The following TPTE variants were observed in gnomAD, a reference collection of about 807,000 sequenced individuals.
TPTE encodes transmembrane phosphatase with tensin homology.
A neutral mutation model predicts 84.1 loss-of-function variants in TPTE; 59 were observed. The ratio of observed to expected loss-of-function variants is 0.70; its 90% confidence interval spans 0.57 to 0.87. The LOEUF (loss-of-function observed/expected upper bound fraction) is 0.87. Ranked by LOEUF, TPTE falls within the 40% of genes least tolerant of loss-of-function variation. The probability of loss-of-function intolerance (pLI) is 0.00; values close to 1 mark genes in which losing one functional copy is unlikely to be tolerated. For missense variants in TPTE, 382 were observed against 659.6 expected, an observed-to-expected ratio of 0.58 and a Z score of 4.61; for synonymous variants, 130 against 223.5, an observed-to-expected ratio of 0.58 and a Z score of 3.73.
At chr21:10,599,389 T>C (rs2879311) in intron 21 of TPTE, among the ~76,000 whole-genome samples, 4 of 152,298 alleles carry the variant, frequency 2.6e-5, no homozygotes, top group Admixed American at 2.6e-4. Context: ...AAATATGCAT[T>C]CTGAAATATT....
intron 3 of TPTE, among the ~76,000 whole-genome samples, chr21:10,532,548 G>T (rs1489650390): frequency 6.6e-6 from 1 of 152,302 alleles, no homozygotes; most frequent in Non-Finnish European, 1.5e-5. Context: ...CATAGACTTT[G>T]CCATGTGTTC....
intron 14 of TPTE, among the ~76,000 whole-genome samples, chr21:10,574,351 A>G (rs1388624378): frequency 1.7e-4 from 26 of 152,376 alleles, no homozygotes; most frequent in African/African-American, 4.8e-4. Context: ...AAGTTCAGCT[A>G]CTTCCCAGAA....
chr21:10,553,501 C>G (rs539053323), intron 8 of TPTE, among the ~76,000 whole-genome samples: 4 of 152,428 alleles, frequency 2.6e-5, no homozygotes, highest in African/African-American at 9.6e-5. Flanking sequence ...TGCAGATTAG[C>G]TATACGTTTT....
intron 17 of TPTE, among the ~76,000 whole-genome samples, chr21:10,579,643 C>T (rs1316442852): frequency 6.6e-6 from 1 of 152,310 alleles, no homozygotes; most frequent in Non-Finnish European, 1.5e-5. Flanking sequence ...CAGTATTTGT[C>T]TTTCTACGCC....
chr21:10,573,773 G>C, intron 14 of TPTE, among the ~76,000 whole-genome samples: 1 of 152,312 alleles, frequency 6.6e-6, no homozygotes, highest in Non-Finnish European at 1.5e-5. Context: ...AAAATTACCT[G>C]ACTTGGCTGA....
At chr21:10,549,280 G>A (rs559600641) in intron 7 of TPTE, among the ~76,000 whole-genome samples, 31 of 152,412 alleles carry the variant, frequency 2.0e-4, no homozygotes, top group South Asian at 4.1e-4. Flanking sequence ...CACCAGATGC[G>A]TAGAAATCAA....
intron 17 of TPTE, among the ~76,000 whole-genome samples, chr21:10,585,337 A>G (rs1316595129): frequency 6.6e-6 from 1 of 152,244 alleles, no homozygotes; most frequent in Non-Finnish European, 1.5e-5. Flanking sequence ...ATTCTTAAAG[A>G]TTTTTCTGAA....
intron 14 of TPTE, among the ~76,000 whole-genome samples, chr21:10,575,928 A>G (rs1436576837): frequency 1.3e-5 from 2 of 152,312 alleles, no homozygotes; most frequent in Non-Finnish European, 2.9e-5. Context: ...TAAAAAGCCA[A>G]AAAATAACAT....
intron 8 of TPTE, among the ~76,000 whole-genome samples, chr21:10,552,983 G>GTTT (rs1329695498): frequency 1.3e-5 from 2 of 152,142 alleles, no homozygotes; most frequent in African/African-American, 4.8e-5. Context: ...TCCATTAAAA[G>GTTT]TTTTTTTTAA....
intron 23 of TPTE, among the ~76,000 whole-genome samples, chr21:10,604,816 A>G (rs1979074858): frequency 6.6e-6 from 1 of 151,664 alleles, no homozygotes; most frequent in Non-Finnish European, 1.5e-5. Flanking sequence ...CTTATTTTAT[A>G]TAAATTTCTA....
intron 4 of TPTE, among the ~76,000 whole-genome samples, chr21:10,539,963 C>T (rs1191810332): frequency 6.6e-6 from 1 of 152,302 alleles, no homozygotes; most frequent in Non-Finnish European, 1.5e-5. Context: ...GAGCCGAGAT[C>T]ATGCCACTGC....
chr21:10,561,491 CAA>C (rs201158290), intron 10 of TPTE, among the ~76,000 whole-genome samples: 2,539 of 99,876 alleles, frequency 0.025, no homozygotes, highest in East Asian at 0.21. Flanking sequence ...GACTCCATCT[CAA>C]AAAAAAAAAA....
intron 11 of TPTE, 103 bp from the exon 12 acceptor site, chr21:10,569,334 G>A: frequency 1.4e-6 from 2 of 1,436,306 alleles, no homozygotes; most frequent in Non-Finnish European, 9.4e-7. Flanking sequence ...TTGGGGAGAG[G>A]AGGGAAAATT....
intron 10 of TPTE, among the ~76,000 whole-genome samples, chr21:10,563,338 G>A (rs1349791431): frequency 1.3e-5 from 2 of 152,310 alleles, no homozygotes; most frequent in East Asian, 1.9e-4. Context: ...GTAATAGTAG[G>A]TATACAGAAA....
chr21:10,586,171 C>T (rs1259479106), intron 17 of TPTE, among the ~76,000 whole-genome samples: 1 of 152,308 alleles, frequency 6.6e-6, no homozygotes, highest in African/African-American at 2.4e-5. Flanking sequence ...GAGTGTCAAC[C>T]ACTATCTTTT....
At chr21:10,582,926 T>G (rs372319431) in intron 17 of TPTE, among the ~76,000 whole-genome samples, 3 of 152,306 alleles carry the variant, frequency 2.0e-5, no homozygotes, top group African/African-American at 7.2e-5. Flanking sequence ...AGAGATGGGG[T>G]TTTGCCATGT....
intron 3 of TPTE, among the ~76,000 whole-genome samples, chr21:10,530,308 T>G (rs1196165018): frequency 2.0e-5 from 3 of 152,426 alleles, no homozygotes; most frequent in Admixed American, 2.0e-4. Flanking sequence ...AGAGTACAGA[T>G]ATACATATTG....
At chr21:10,570,433 G>A in intron 13 of TPTE, 52 bp from the exon 14 acceptor site, 1 of 1,612,318 alleles carries the variant, frequency 6.2e-7, no homozygotes, top group Non-Finnish European at 8.5e-7. Context: ...TTTTTTGTAT[G>A]TTGTATGAAA....
chr21:10,551,624 G>GT (rs2074576273), intron 7 of TPTE, among the ~76,000 whole-genome samples: 1 of 152,278 alleles, frequency 6.6e-6, no homozygotes, highest in Non-Finnish European at 1.5e-5. Flanking sequence ...ATTACAAAAG[G>GT]TTAACAACAA....
Sources: allele counts gnomAD v4.1 joint callset (sites outside exome capture counted in the v4.1 genomes callset), GRCh38; gene constraint gnomAD v4.1.1; transcripts MANE v1.5; gene names NCBI Gene and HGNC (gene_info 2026-07-23, HGNC 2026-07-21).